MSTO1: variants seen among roughly 807,000 people sequenced by gnomAD.
MSTO1 encodes the protein protein misato homolog 1.
MSTO1 carries 24 observed loss-of-function variants against 55.7 expected under a neutral mutation model. That is an observed-to-expected ratio of 0.43 (90% CI 0.31 to 0.61). The LOEUF (loss-of-function observed/expected upper bound fraction) is 0.61. Among genes scored for constraint, MSTO1 ranks in the 20% least tolerant of loss-of-function variants. The pLI, the probability that MSTO1 is intolerant of heterozygous loss-of-function variation, is 0.09. For synonymous variants in MSTO1, 162 were observed against 252.8 expected, an observed-to-expected ratio of 0.64 and a Z score of 3.41; for missense variants, 363 against 625.7, an observed-to-expected ratio of 0.58 and a Z score of 4.48.
At chr1:155,588,102 G>T in the MSTO1 span, among the ~76,000 whole-genome samples, 1,320 of 151,702 alleles carry the variant, frequency 8.7e-3, 8 homozygotes, top group Non-Finnish European at 0.013. Flanking sequence ...TCAGCTACTC[G>T]GGAGGCTGTG....
At chr1:155,590,579 G>A in the MSTO1 span, 9 of 1,194,932 alleles carry the variant, frequency 7.5e-6, no homozygotes, top group Admixed American at 6.9e-5. Flanking sequence ...TAGTGCCAGC[G>A]GAGCCCCCAT....
chr1:155,585,090 T>A, the MSTO1 span, among the ~76,000 whole-genome samples: 1 of 152,140 alleles, frequency 6.6e-6, no homozygotes, highest in South Asian at 2.1e-4. Context: ...TACTTTAAGT[T>A]CCTTGATTAT....
chr1:155,595,362 T>C, the MSTO1 span, among the ~76,000 whole-genome samples: 1 of 151,984 alleles, frequency 6.6e-6, no homozygotes, highest in Non-Finnish European at 1.5e-5. Context: ...GTATTTTTAG[T>C]GGAGACGGAG....
At chr1:155,601,035 G>T in the MSTO1 span, among the ~76,000 whole-genome samples, 14 of 145,880 alleles carry the variant, frequency 9.6e-5, no homozygotes, top group African/African-American at 3.6e-4. Flanking sequence ...GGTCTGGCTG[G>T]TCTCAAGCTC....
In MSTO1 at chr1:155,614,101, C is replaced by T. The variant is rs1236775138; in HGVS notation, c.1541C>T (p.Ser514Leu). The T allele has an allele frequency of 5.4e-6, 8 of 1,493,068 alleles. No individual in the cohort carries two copies. Among genetic ancestry groups the T allele is most frequent in the Non-Finnish European group, 2.7e-6 (3 of 1,113,092 alleles). 92.5% of individuals were successfully genotyped at this position (1,493,068 alleles called of 1,614,324 possible). A position where few individuals can be genotyped will look rare whatever the true frequency, so the allele number is the denominator to read the frequency against. Reference protein sequence around the residue: ...IPVFGALCSSSSLHQTLEALA... With the variant: ...IPVFGALCSSLSLHQTLEALA... The stretch of plus-strand genomic sequence containing the variant: ...GTGTTTGGGGCACTGTGTTCCTCTT[C>T]GTCCCTGCACCAGACCCTGGAAGCC... The change falls in exon 14 of 14, where the codon TCG (serine) becomes TTG (leucine). Residue 514 changes from serine (S) to leucine (L), a missense_variant. Physicochemically the swap from Ser to Leu is moderately radical, Grantham distance 145. Coordinates refer to ENST00000245564, the MANE Select transcript of MSTO1 (RefSeq NM_018116.4).
upstream of MSTO1, among the ~76,000 whole-genome samples, chr1:155,608,350 TA>T (rs1361767772): frequency 5.3e-5 from 8 of 152,102 alleles, no homozygotes; most frequent in Non-Finnish European, 7.4e-5. Context: ...ATAGAGAGGA[TA>T]GGGGGAGGGG....
chr1:155,563,701 G>C, the MSTO1 span: 7 of 376,524 alleles, frequency 1.9e-5, no homozygotes, highest in South Asian at 1.4e-4. Context: ...CCTTCAGCAA[G>C]TTATTTTTGT....
At chr1:155,603,742 C>T in the MSTO1 span, among the ~76,000 whole-genome samples, 1 of 152,158 alleles carries the variant, frequency 6.6e-6, no homozygotes, top group African/African-American at 2.4e-5. Context: ...CCTGTAATCC[C>T]AGCTACTAGG....
chr1:155,575,486 C>T, the MSTO1 span, among the ~76,000 whole-genome samples: 47 of 151,828 alleles, frequency 3.1e-4, no homozygotes, highest in African/African-American at 9.9e-4. Flanking sequence ...CTGTTGCCCC[C>T]GGCTGGAGTG....
chr1:155,580,242 A>G, the MSTO1 span, among the ~76,000 whole-genome samples: 3 of 150,818 alleles, frequency 2.0e-5, no homozygotes, highest in African/African-American at 7.4e-5. Flanking sequence ...AAAAAAAAAA[A>G]GGGCCGAGTG....
At chr1:155,606,198 CTTTTTTTTTTTTTTTTTT>C (rs747681932), upstream of MSTO1, among the ~76,000 whole-genome samples, 4 of 28,090 alleles carry the variant, frequency 1.4e-4, no homozygotes, top group East Asian at 1.5e-3. Context: ...CATGCCCAGC[CTTTTTTTTTTTTTTTTTT>C]TTTTTTTTTT....
the MSTO1 span, among the ~76,000 whole-genome samples, chr1:155,587,629 A>G: frequency 2.0e-5 from 3 of 151,476 alleles, no homozygotes; most frequent in African/African-American, 7.3e-5. Flanking sequence ...CTATAGTCCC[A>G]GCTACTTGGG....
chr1:155,577,990 C>T, the MSTO1 span, among the ~76,000 whole-genome samples: 1 of 152,154 alleles, frequency 6.6e-6, no homozygotes, highest in Non-Finnish European at 1.5e-5. Context: ...TTGATCCACC[C>T]GCCTTGGCCT....
upstream of MSTO1, among the ~76,000 whole-genome samples, chr1:155,609,408 G>T (rs190406476): frequency 6.6e-6 from 1 of 150,864 alleles, no homozygotes; most frequent in African/African-American, 2.4e-5. Flanking sequence ...ACCACGCCCA[G>T]CTAATTTTTT....
the MSTO1 span, chr1:155,590,862 G>C: frequency 1.2e-6 from 2 of 1,611,028 alleles, no homozygotes; most frequent in African/African-American, 2.7e-5. Flanking sequence ...AGCAAACGGG[G>C]ATTAGTGTCA....
the MSTO1 span, among the ~76,000 whole-genome samples, chr1:155,568,762 G>GTTTTT: frequency 6.6e-6 from 1 of 151,896 alleles, no homozygotes; most frequent in Non-Finnish European, 1.5e-5. Context: ...GTTTTGTTTT[G>GTTTTT]TTTACGAAAA....
chr1:155,573,643 G>A, the MSTO1 span, among the ~76,000 whole-genome samples: 1 of 151,872 alleles, frequency 6.6e-6, no homozygotes. Flanking sequence ...TTTGAGACCA[G>A]CCTGGCCAAC....
the MSTO1 span, among the ~76,000 whole-genome samples, chr1:155,565,619 A>G: frequency 6.6e-6 from 1 of 151,424 alleles, no homozygotes; most frequent in East Asian, 1.9e-4. Flanking sequence ...TGCTTCAAAG[A>G]AAAAAAAATG....
At chr1:155,570,787 T>C in the MSTO1 span, among the ~76,000 whole-genome samples, 2 of 152,270 alleles carry the variant, frequency 1.3e-5, no homozygotes, top group South Asian at 4.1e-4. Flanking sequence ...TGTGTGTGTG[T>C]TTATTTATTT....
Sources: allele counts gnomAD v4.1 joint callset (sites outside exome capture counted in the v4.1 genomes callset), GRCh38; gene constraint gnomAD v4.1.1; transcripts MANE v1.5; gene names NCBI Gene and HGNC (gene_info 2026-07-23, HGNC 2026-07-21).